Variants in CELF2 observed in about 807,000 individuals in gnomAD.
The protein encoded by CELF2 is CUGBP Elav-like family member 2.
In CELF2, 8 loss-of-function variants were observed where a neutral mutation model predicts 62.6. The ratio of observed to expected loss-of-function variants is 0.13; its 90% CI spans 0.07 to 0.23. CELF2 has a LOEUF of 0.23. CELF2 is among the 10% of genes least tolerant of loss of function. The probability of loss-of-function intolerance (pLI) is 1.00; values close to 1 mark genes in which losing one functional copy is unlikely to be tolerated. For missense variants in CELF2, 333 were observed against 671.0 expected, an observed-to-expected ratio of 0.50 and a Z score of 5.56; for synonymous variants, 258 against 250.0, an observed-to-expected ratio of 1.03 and a Z score of -0.30.
rs2095286106 is a variant in CELF2 at position 11,319,281 on chromosome 10, C to G, written c.1097-1908C>G. 5.6e-6 allele frequency: 2 copies of G among 360,326 alleles called. No individual in the cohort carries two copies. The highest frequency in any genetic ancestry group is 7.5e-5 in the East Asian group (1 of 13,306). The allele number at this position is 360,326 out of a possible 1,614,324, so 22.3% of individuals were successfully genotyped here. ...TTCCCGAGTTATTGTACATACCCCTCTCACCTATCTCAAAAAACACGGAAG... is the reference window on the plus strand; with the variant it reads ...TTCCCGAGTTATTGTACATACCCCTGTCACCTATCTCAAAAAACACGGAAG... On this transcript the variant is annotated intron_variant, in intron 10 of 12. Transcript: ENST00000633077. This position sits in a 1 kb window ranked among gnomAD's most constrained non-coding sequence, Gnocchi z 4.4.
chr10:10,608,856 C>T, the CELF2 span, among the ~76,000 whole-genome samples: 1 of 152,130 alleles, frequency 6.6e-6, no homozygotes, highest in East Asian at 1.9e-4. Context: ...ACTAGAACTA[C>T]CTAGAACTAA....
At chr10:10,809,859 C>G (rs1410619095) in intron 1 of CELF2, among the ~76,000 whole-genome samples, 1 of 152,008 alleles carries the variant, frequency 6.6e-6, no homozygotes, top group African/African-American at 2.4e-5. Context: ...CTGGTAAACT[C>G]AAGAAAAACA....
At chr10:11,049,274 A>C (rs1169655392) in intron 1 of CELF2, among the ~76,000 whole-genome samples, 2 of 151,872 alleles carry the variant, frequency 1.3e-5, no homozygotes, top group South Asian at 2.1e-4. Flanking sequence ...GTTAAGCCTC[A>C]AGTGAGAATC....
intron 1 of CELF2, among the ~76,000 whole-genome samples, chr10:11,128,845 C>T (rs937099599): frequency 3.9e-5 from 6 of 152,232 alleles, no homozygotes; most frequent in African/African-American, 1.4e-4. Context: ...TGACTTCCTC[C>T]TTTCCTAATT....
rs2052538774 is a variant in CELF2, at chr10:11,103,690, AG to A, written c.75-61792del. Reference sequence around the variant, plus strand: ...TGGCTCATGTTTGATTTGTTGTTGCAGGGGTGGTATTGGTTATATTTGTCCT... The same window carrying A: ...TGGCTCATGTTTGATTTGTTGTTGCAGGGTGGTATTGGTTATATTTGTCCT... On this transcript the variant is annotated intron_variant, in intron 1 of 12. Transcript: ENST00000633077. Among the ~76,000 whole-genome samples, 11 of 152,178 alleles carry A rather than the reference AG, an allele frequency of 7.2e-5. No individual in the cohort carries two copies. In the South Asian group the frequency reaches 2.3e-3, roughly 32 times the overall value.
chr10:10,625,479 T>C, the CELF2 span, among the ~76,000 whole-genome samples: 1 of 151,206 alleles, frequency 6.6e-6, no homozygotes, highest in African/African-American at 2.4e-5. Flanking sequence ...ATGCCTTCTA[T>C]TTTCGTGGAA....
intron 1 of CELF2, among the ~76,000 whole-genome samples, chr10:11,080,313 T>A (rs1188538674): frequency 6.9e-6 from 1 of 145,522 alleles, no homozygotes; most frequent in Non-Finnish European, 1.5e-5. Flanking sequence ...TCTTTTACAG[T>A]CATGAATGGA....
chr10:11,285,815 C>A lies in CELF2; in HGVS notation c.842-2603C>A, dbSNP rs2091028957. Among the ~76,000 whole-genome samples, 1 of 146,656 alleles carries A rather than the reference C, an allele frequency of 6.8e-6. No homozygotes were observed. The highest frequency in any genetic ancestry group is 2.5e-5 in the African/African-American group (1 of 39,526). On this transcript the variant is annotated intron_variant, in intron 8 of 12. Transcript: ENST00000633077. The surrounding 1 kb of genome is among the most constrained non-coding windows in gnomAD (Gnocchi z 4.3). ...CTTACATAGATTTGCTCATCACCTACTATATATATTGGTGTGTGTGTGTGT... is the reference window on the plus strand; with the variant it reads ...CTTACATAGATTTGCTCATCACCTAATATATATATTGGTGTGTGTGTGTGT...
At chr10:10,528,689 G>A in the CELF2 span, among the ~76,000 whole-genome samples, 3 of 152,130 alleles carry the variant, frequency 2.0e-5, no homozygotes, top group Non-Finnish European at 1.5e-5. Context: ...GTGGTGTTGT[G>A]TCATTGCATG....
At position 10,819,433 on chromosome 10, in the gene CELF2, T is replaced by C. The variant is rs557917153; in HGVS notation, c.53+20616T>C. Among the ~76,000 whole-genome samples, 6 of 152,242 alleles carry C rather than the reference T, an allele frequency of 3.9e-5. No homozygotes were observed. The South Asian group carries it at 1.2e-3, about 32-fold the overall frequency. On this transcript the variant is annotated intron_variant, in intron 1 of 13. Transcript: ENST00000636488. ...TTAGCATGAGTTTAGCGTGAAACTG[T>C]TTTTGCCAGGGTTACCAATGCCAAA...
intron 1 of CELF2, among the ~76,000 whole-genome samples, chr10:10,833,372 C>G (rs17148976): frequency 0.024 from 3,650 of 152,238 alleles, 149 homozygotes; most frequent in African/African-American, 0.083. Flanking sequence ...TAAACTGATG[C>G]TGAAGGTGAA....
At chr10:10,914,368 C>CGGGG (rs1224417159) in intron 1 of CELF2, among the ~76,000 whole-genome samples, 4 of 152,154 alleles carry the variant, frequency 2.6e-5, no homozygotes, top group Non-Finnish European at 5.9e-5. Flanking sequence ...AGTTCAGGAA[C>CGGGG]GGGGAAGGAC....
At chr10:10,621,853 T>C in the CELF2 span, among the ~76,000 whole-genome samples, 2 of 152,156 alleles carry the variant, frequency 1.3e-5, no homozygotes, top group Non-Finnish European at 1.5e-5. Flanking sequence ...TAAGCACCCT[T>C]CCACCAGATA....
At chr10:10,754,764 ATT>A in the CELF2 span, among the ~76,000 whole-genome samples, 1 of 152,164 alleles carries the variant, frequency 6.6e-6, no homozygotes, top group Non-Finnish European at 1.5e-5. Context: ...ATAGATTTGA[ATT>A]CTACGTGTTC....
At chr10:10,770,884 T>G in the CELF2 span, among the ~76,000 whole-genome samples, 1 of 152,206 alleles carries the variant, frequency 6.6e-6, no homozygotes, top group Admixed American at 6.5e-5. Context: ...ACTTCTTATC[T>G]AGGGATGTGT....
At chr10:10,884,542 C>A (rs932874631) in intron 1 of CELF2, among the ~76,000 whole-genome samples, 1 of 152,200 alleles carries the variant, frequency 6.6e-6, no homozygotes. Context: ...TTTAATAGGA[C>A]TTTTAATATT....
chr10:11,277,632 T>C (rs1290535077), intron 8 of CELF2, among the ~76,000 whole-genome samples: 1 of 152,256 alleles, frequency 6.6e-6, no homozygotes, highest in Non-Finnish European at 1.5e-5. Flanking sequence ...TTAAGAAATA[T>C]GACTTCAGCA....
chr10:10,861,719 A>G (rs1337760962), intron 1 of CELF2, among the ~76,000 whole-genome samples: 1 of 152,184 alleles, frequency 6.6e-6, no homozygotes, highest in African/African-American at 2.4e-5. Context: ...AAATTTTTTA[A>G]GTAAAAGTGT....
chr10:10,845,433 G>T (rs1469252809), intron 1 of CELF2, among the ~76,000 whole-genome samples: 1 of 145,834 alleles, frequency 6.9e-6, no homozygotes, highest in African/African-American at 2.6e-5. Context: ...AACAGAAAAT[G>T]TAATAAAACA....
Sources: gnomAD v4.1 joint callset for allele counts (sites outside exome capture counted in the v4.1 genomes callset) on GRCh38, gnomAD v4.1.1 for gene constraint, Gnocchi (gnomAD v3.1) non-coding constraint, MANE v1.5 for transcripts, NCBI Gene and HGNC (gene_info 2026-07-23, HGNC 2026-07-21) for gene names.